RBFOX1: variants seen among roughly 807,000 people sequenced by gnomAD.
RBFOX1 encodes the protein RNA binding protein fox-1 homolog 1.
Under a neutral mutation model 57.7 loss-of-function variants are expected in RBFOX1, and 8 were observed. The ratio of observed to expected loss-of-function variants is 0.14; its 90% CI spans 0.08 to 0.25. The LOEUF (loss-of-function observed/expected upper bound fraction) is 0.25, where lower values mean the gene tolerates loss of function less well. Ranked by LOEUF, RBFOX1 falls within the 10% of genes least tolerant of loss-of-function variation. The pLI is 1.00. For missense variants in RBFOX1, 611 were observed against 548.5 expected (o/e 1.11, Z -1.14); for synonymous variants, 326 against 222.4 (o/e 1.47, Z -4.15).
intron 3 of RBFOX1, among the ~76,000 whole-genome samples, chr16:6,815,661 C>T (rs973820074): frequency 2.0e-5 from 3 of 152,120 alleles, no homozygotes; most frequent in Non-Finnish European, 4.4e-5. Flanking sequence ...TTACGCCTTA[C>T]CAGGGCCAGG....
intron 1 of RBFOX1, among the ~76,000 whole-genome samples, chr16:5,422,209 T>C (rs1362284173): frequency 4.7e-5 from 6 of 126,446 alleles, no homozygotes; most frequent in Non-Finnish European, 8.4e-5. Context: ...AGGAGAAAGG[T>C]GGAGGAGAGA....
At chr16:5,493,868 C>G (rs1429316475) in intron 2 of RBFOX1, among the ~76,000 whole-genome samples, 6 of 152,074 alleles carry the variant, frequency 3.9e-5, no homozygotes, top group Non-Finnish European at 8.8e-5. Context: ...GCAACGGTAG[C>G]CAAAATATGA....
chr16:6,789,458 T>C lies in RBFOX1; in HGVS notation c.-16+134808T>C, dbSNP rs1328956888. 2.6e-5 allele frequency among the ~76,000 whole-genome samples: 4 copies of C among 152,126 alleles called. No individual in the cohort carries two copies. The South Asian group carries it at 8.3e-4, about 32-fold the overall frequency. On this transcript the variant is annotated intron_variant, in intron 3 of 15. Coordinates refer to ENST00000550418, the MANE Select transcript of RBFOX1 (RefSeq NM_018723.4). ...GTGTGGAAGGCGAGAGAAACACTAATGGTGTCAAGTTGGTATTTTAGAGAG... is the reference window on the plus strand; with the variant it reads ...GTGTGGAAGGCGAGAGAAACACTAACGGTGTCAAGTTGGTATTTTAGAGAG...
Position 5,593,638 on chromosome 16 carries a change from G to A in RBFOX1, c.259-5264G>A, listed in dbSNP as rs117596345. On this transcript the variant is annotated intron_variant, in intron 2 of 2. Transcript: ENST00000585867. ...GTCATGACAGATTACAAATGCCATGGCGATGTCAGGAAGTTACCGTATATG... is the reference window on the plus strand; with the variant it reads ...GTCATGACAGATTACAAATGCCATGACGATGTCAGGAAGTTACCGTATATG... Among the ~76,000 whole-genome samples the A allele has an allele frequency of 8.0e-3, 1,225 of 152,278 alleles. 4 individuals carry two copies. The highest frequency in any genetic ancestry group is 0.029 in the South Asian group (139 of 4,820).
intron 2 of RBFOX1, among the ~76,000 whole-genome samples, chr16:6,501,702 T>C (rs1027654741): frequency 1.3e-5 from 2 of 152,130 alleles, no homozygotes; most frequent in Admixed American, 1.3e-4. Context: ...TTCTAAAACA[T>C]TCACCCAGTC....
At chr16:6,315,532 C>CATGGATGG (rs59618973) in intron 1 of RBFOX1, among the ~76,000 whole-genome samples, 3 of 141,972 alleles carry the variant, frequency 2.1e-5, no homozygotes, top group African/African-American at 7.8e-5. Flanking sequence ...TGGGTGAGTA[C>CATGGATGG]ATGGATGGAT....
At chr16:7,645,931 C>G (rs1350427307) in intron 11 of RBFOX1, among the ~76,000 whole-genome samples, 1 of 150,114 alleles carries the variant, frequency 6.7e-6, no homozygotes, top group Non-Finnish European at 1.5e-5. Flanking sequence ...GAAGCTTTCT[C>G]CCCCACCCAC....
intron 1 of RBFOX1, among the ~76,000 whole-genome samples, chr16:6,026,359 T>C (rs2095194274): frequency 6.6e-6 from 1 of 152,212 alleles, no homozygotes; most frequent in Non-Finnish European, 1.5e-5. Flanking sequence ...GTTAGTGCTT[T>C]TCAGATCCCC....
At chr16:5,924,075 T>C (rs1023797025) in intron 4 of RBFOX1, among the ~76,000 whole-genome samples, 1 of 152,118 alleles carries the variant, frequency 6.6e-6, no homozygotes, top group African/African-American at 2.4e-5. Context: ...TGGTATCTGA[T>C]GGTTTTATAA....
chr16:5,528,064 T>C (rs1420483179), intron 2 of RBFOX1, among the ~76,000 whole-genome samples: 1 of 152,166 alleles, frequency 6.6e-6, no homozygotes, highest in Non-Finnish European at 1.5e-5. Flanking sequence ...ACCTATTTAC[T>C]GCATGGATTT....
rs2084163290 is a variant in RBFOX1 at position 7,712,583 on chromosome 16, G to C, written c.*1838G>C. The C allele has an allele frequency of 6.5e-6, 1 of 152,684 alleles. No individual in the cohort carries two copies. Among genetic ancestry groups the C allele is most frequent in the African/African-American group, 2.4e-5 (1 of 41,552 alleles). The allele number at this position is 152,684 out of a possible 1,614,324, so 9.5% of individuals were successfully genotyped here. A position where few individuals can be genotyped will look rare whatever the true frequency, so the allele number is the denominator to read the frequency against. Reference sequence around the variant, plus strand: ...AGGGGGAGGGGGGAGCTACTTATCAGCCAAAAGCATATAAAGTGTTCTTTT... The same window carrying C: ...AGGGGGAGGGGGGAGCTACTTATCACCCAAAAGCATATAAAGTGTTCTTTT... On this transcript the variant is annotated 3_prime_UTR_variant, in exon 16 of 16. Transcript: ENST00000550418.
At chr16:5,577,804 G>A (rs1471093997) in intron 2 of RBFOX1, among the ~76,000 whole-genome samples, 1 of 152,208 alleles carries the variant, frequency 6.6e-6, no homozygotes, top group South Asian at 2.1e-4. Context: ...AAGCCATGAA[G>A]TGGAAGACAT....
At chr16:7,161,627 G>T (rs1319361133) in intron 4 of RBFOX1, among the ~76,000 whole-genome samples, 2 of 152,242 alleles carry the variant, frequency 1.3e-5, no homozygotes, top group East Asian at 3.9e-4. Flanking sequence ...AGTAATCCCA[G>T]GGAGCTTTCT....
In RBFOX1 at chr16:7,195,916, G is replaced by C. The variant is rs144004111; in HGVS notation, c.27+143818G>C. Among the ~76,000 whole-genome samples, 372 of 152,092 alleles carry C rather than the reference G, an allele frequency of 2.4e-3. 2 individuals are homozygous for C. The highest frequency in any genetic ancestry group is 4.0e-3 in the Admixed American group (61 of 15,268). On this transcript the variant is annotated intron_variant, in intron 4 of 15. Transcript: ENST00000550418. ...TCTTATAAATGTGTCACTGAATAAA[G>C]GTTAGCCCACGTGATATGATTTTTT... is the stretch of plus-strand genomic sequence containing the variant.
At chr16:6,884,171 C>T (rs927908929) in intron 3 of RBFOX1, among the ~76,000 whole-genome samples, 16 of 152,294 alleles carry the variant, frequency 1.1e-4, no homozygotes, top group Admixed American at 6.5e-4. Context: ...GCTTCCGAGG[C>T]CCCTTCTGCT....
chr16:6,440,102 A>G (rs9941098), intron 2 of RBFOX1, among the ~76,000 whole-genome samples: 37,603 of 151,130 alleles, frequency 0.25, 4,817 homozygotes, highest in East Asian at 0.3. Context: ...ATGCCTGGCT[A>G]ATTTTTGTAT....
At chr16:6,277,762 A>T (rs376912127) in intron 1 of RBFOX1, among the ~76,000 whole-genome samples, 1 of 151,954 alleles carries the variant, frequency 6.6e-6, no homozygotes, top group Non-Finnish European at 1.5e-5. Context: ...CCTACATTTA[A>T]TGTGCGGTAC....
intron 5 of RBFOX1, among the ~76,000 whole-genome samples, chr16:7,551,789 A>G (rs943648296): frequency 1.3e-5 from 2 of 152,196 alleles, no homozygotes; most frequent in Non-Finnish European, 1.5e-5. Context: ...CATGATGTCA[A>G]TATTTACACC....
chr16:6,405,900 C>T (rs553501574), intron 2 of RBFOX1, among the ~76,000 whole-genome samples: 1 of 152,248 alleles, frequency 6.6e-6, no homozygotes, highest in African/African-American at 2.4e-5. Context: ...ACCTCCTTTC[C>T]ACAGAATAAA....
Sources: gnomAD v4.1 joint callset for allele counts (sites outside exome capture counted in the v4.1 genomes callset) on GRCh38, gnomAD v4.1.1 for gene constraint, MANE v1.5 for transcripts, NCBI Gene and HGNC (gene_info 2026-07-23, HGNC 2026-07-21) for gene names.